Variants in GBP2 observed in about 807,000 individuals in gnomAD.
GBP2 encodes guanylate binding protein 2.
In GBP2, 54 loss-of-function variants were observed where a neutral mutation model predicts 60.8. The ratio of observed to expected loss-of-function variants is 0.89; its 90% CI spans 0.71 to 1.11. GBP2 has a LOEUF of 1.11. Ranked by LOEUF, GBP2 falls within the 50% of genes most tolerant of loss-of-function variation. GBP2 has a pLI of 0.00. For missense variants in GBP2, 665 were observed against 703.3 expected (o/e 0.95, Z 0.62); for synonymous variants, 243 against 256.5 (o/e 0.95, Z 0.50).
At chr1:89,122,623 A>G (rs575718531) in intron 1 of GBP2, among the ~76,000 whole-genome samples, 3 of 152,172 alleles carry the variant, frequency 2.0e-5, no homozygotes, top group Non-Finnish European at 4.4e-5. Flanking sequence ...TGATGTTGAC[A>G]TGACTTTTTC....
chr1:89,117,353 TA>T, intron 5 of GBP2, 119 bp from the exon 6 acceptor site: 1 of 1,006,464 alleles, frequency 9.9e-7, no homozygotes, highest in Non-Finnish European at 1.4e-6. Flanking sequence ...GAAGAAGAAA[TA>T]AAAAATTAAA....
At chr1:89,110,350 G>A (rs977497128) in intron 8 of GBP2, 84 bp from the exon 9 acceptor site, 3 of 962,742 alleles carry the variant, frequency 3.1e-6, no homozygotes, top group Admixed American at 2.1e-5. Context: ...TCTACCCAGA[G>A]GAAAATAAGT....
At chr1:89,117,430 TATAGTC>T in intron 5 of GBP2, 141 bp downstream of exon 5, 3 of 890,920 alleles carry the variant, frequency 3.4e-6, no homozygotes, top group Non-Finnish European at 5.2e-6. Flanking sequence ...TTCCAACTGA[TATAGTC>T]AAGCAATGTT....
intron 7 of GBP2, 23 bp from the exon 8 acceptor site, chr1:89,112,707 A>G: frequency 6.4e-7 from 1 of 1,565,088 alleles, no homozygotes; most frequent in African/African-American, 1.3e-5. Flanking sequence ...AAAACAGCAC[A>G]GATGTTTCAG....
At chr1:89,113,796 AT>A (rs1275065915) in intron 7 of GBP2, among the ~76,000 whole-genome samples, 11 of 152,232 alleles carry the variant, frequency 7.2e-5, no homozygotes, top group Admixed American at 3.9e-4. Flanking sequence ...CTTTCTTAAA[AT>A]ATGGGACCCA....
At chr1:89,123,403 A>C (rs945537307) in intron 1 of GBP2, among the ~76,000 whole-genome samples, 2 of 152,160 alleles carry the variant, frequency 1.3e-5, no homozygotes, top group African/African-American at 4.8e-5. Flanking sequence ...GTTTCTTCTG[A>C]TATTTCTAAT....
rs143659564 is a variant in GBP2 at position 89,115,493 on chromosome 1, T to C, written c.869-1197A>G. On this transcript the variant is annotated intron_variant, in intron 6 of 10. Coordinates refer to ENST00000370466, the MANE Select transcript of GBP2 (RefSeq NM_004120.5). ...AGAGCTTAGACAAACTCTAATCTCC[T>C]CAAAGTCCTCTGCCAGTCCTTTCAA... Among the ~76,000 whole-genome samples, 139 of 152,344 alleles carry C rather than the reference T, an allele frequency of 9.1e-4. 1 individual carries two copies. Among genetic ancestry groups the C allele is most frequent in the African/African-American group, 2.7e-3 (113 of 41,576 alleles).
In GBP2 at chr1:89,117,064, C is replaced by A; in HGVS notation, c.796G>T (p.Glu266Ter). ...LNPDFIEQVA[E>*]FCSYILSHSN... ...TGGCTGAGGATGTAGGAACAAAATTCTGCAACTTGTTCTATGAAATCAGGG... is the reference window on the plus strand; with the variant it reads ...TGGCTGAGGATGTAGGAACAAAATTATGCAACTTGTTCTATGAAATCAGGG... The change falls in exon 6 of 11, where the codon GAA (glutamate) becomes TAA (stop). Residue 266 changes from glutamate to a stop codon, truncating the protein, a stop_gained. Transcript: ENST00000370466. LOFTEE classifies it high-confidence loss of function. 6.2e-7 allele frequency: 1 copy of A among 1,614,084 alleles called. No individual in the cohort carries two copies. Among genetic ancestry groups the A allele is most frequent in the South Asian group, 1.1e-5 (1 of 91,082 alleles).
chr1:89,110,093 G>A, intron 9 of GBP2, 71 bp downstream of exon 9: 1 of 1,138,224 alleles, frequency 8.8e-7, no homozygotes, highest in South Asian at 1.3e-5. Context: ...AATAATTCCA[G>A]GTGGACCAAT....
chr1:89,106,725 T>G lies in GBP2; in HGVS notation c.*1450A>C, dbSNP rs982483517. On this transcript the variant is annotated 3_prime_UTR_variant, in exon 11 of 11. Transcript: ENST00000370466. ...GTAGAAGACAAAAATACTCTAATTC[T>G]CAGACTTTCCCATGGGTAGGCATAT... 6.6e-6 allele frequency: 1 copy of G among 152,232 alleles called. No homozygotes were observed. Among genetic ancestry groups the G allele is most frequent in the African/African-American group, 2.4e-5 (1 of 41,464 alleles). The allele number at this position is 152,232 out of a possible 1,614,324, so 9.4% of individuals were successfully genotyped here.
chr1:89,121,191 T>C lies in GBP2; in HGVS notation c.270A>G (p.Glu90=). 6.2e-7 allele frequency: 1 copy of C among 1,613,240 alleles called. No homozygotes were observed. Among genetic ancestry groups the C allele is most frequent in the East Asian group, 2.2e-5 (1 of 44,836 alleles). Residue 90 remains glutamate (E), a synonymous_variant, in exon 3 of 11, where the codon GAA becomes GAG. Transcript: ENST00000370466. ...CAGTGTCGAGCAGAACTAGGGTGTG[T>C]TCTGGCTTCTTGGGATGAGGCACAC... ...MWCVPHPKKP[E]HTLVLLDTEG...
chr1:89,121,988 T>G lies in GBP2; in HGVS notation c.-17-5A>C. On this transcript the variant is annotated splice_polypyrimidine_tract_variant and splice_region_variant and intron_variant, in intron 1 of 10. Transcript: ENST00000370466. Reference sequence around the variant, plus strand: ...CCATGTCCAGGGTGTTGTTCCCTTGTGTGCAAGGAAAAAGATGAAATGGAA... The same window carrying G: ...CCATGTCCAGGGTGTTGTTCCCTTGGGTGCAAGGAAAAAGATGAAATGGAA... 6.4e-7 allele frequency: 1 copy of G among 1,573,196 alleles called. No homozygotes were observed. The highest frequency in any genetic ancestry group is 8.6e-7 in the Non-Finnish European group (1 of 1,157,648).
Position 89,109,864 on chromosome 1 carries a change from C to A in GBP2, c.1472G>T (p.Arg491Leu). 3 of 1,610,910 alleles carry A rather than the reference C, an allele frequency of 1.9e-6. No homozygotes were observed. The highest frequency in any genetic ancestry group is 2.5e-6 in the Non-Finnish European group (3 of 1,178,970). Residue 491 changes from arginine to leucine, a missense_variant, in exon 10 of 11, where the codon CGT (arginine) becomes CTT (leucine). Arg to Leu is a moderately radical substitution (Grantham distance 102, BLOSUM62 -2). Transcript: ENST00000370466. ...AGCTTCTGCAGATTCAGCCTTTATA[C>A]GTTCCACTGTGGAAGAAAAATAAGC... is the stretch of plus-strand genomic sequence containing the variant. ...SEKEKAIEVE[R>L]IKAESAEAAK...
chr1:89,108,406 G>C (rs1557436825), intron 10 of GBP2, 115 bp from the exon 11 acceptor site: 2 of 620,606 alleles, frequency 3.2e-6, no homozygotes, highest in East Asian at 5.7e-5. Flanking sequence ...ACTCTCTTCT[G>C]AGTCTCCTAT....
chr1:89,113,976 A>G (rs749302987), intron 7 of GBP2, 40 bp downstream of exon 7: 4 of 1,607,112 alleles, frequency 2.5e-6, no homozygotes, highest in Non-Finnish European at 3.4e-6. Context: ...TGAAGGGCCC[A>G]TATTTTTCTG....
intron 1 of GBP2, 48 bp from the exon 2 acceptor site, chr1:89,122,031 T>C: frequency 7.0e-7 from 1 of 1,432,240 alleles, no homozygotes; most frequent in Middle Eastern, 1.8e-4. Context: ...TTTAGGTAGT[T>C]AGCTATGCTG....
chr1:89,114,133 G>A lies in GBP2; in HGVS notation c.1032C>T (p.Pro344=), dbSNP rs151243772. 1.2e-6 allele frequency: 2 copies of A among 1,614,020 alleles called. No individual in the cohort carries two copies. The highest frequency in any genetic ancestry group is 1.7e-6 in the Non-Finnish European group (2 of 1,180,048). ...EQQMGQKVQL[P]TETLQELLDL... Reference sequence around the variant, plus strand: ...CCAGCAGCTCCTGGAGGGTTTCCGTGGGCAGCTGCACCTTCTGGCCCATCT... The same window carrying A: ...CCAGCAGCTCCTGGAGGGTTTCCGTAGGCAGCTGCACCTTCTGGCCCATCT... Residue 344 remains proline (P), a synonymous_variant, in exon 7 of 11, where the codon CCC becomes CCT. Transcript: ENST00000370466.
At chr1:89,110,333 C>G in intron 8 of GBP2, 67 bp from the exon 9 acceptor site, 1 of 1,149,586 alleles carries the variant, frequency 8.7e-7, no homozygotes, top group South Asian at 1.2e-5. Context: ...AATCCCACCA[C>G]TGGGTATCTA....
Position 89,112,536 on chromosome 1 carries a change from A to T in GBP2, c.1298T>A (p.Leu433His), listed in dbSNP as rs149847868. ...CAGCTCCTGCAGCTTCTGAGTAAAGAGACGGTAACCTCCTGGTTTAGAAAA... is the reference window on the plus strand; with the variant it reads ...CAGCTCCTGCAGCTTCTGAGTAAAGTGACGGTAACCTCCTGGTTTAGAAAA... ...GTFSKPGGYR[L>H]FTQKLQELKN... The change falls in exon 8 of 11, where the codon CTC (leucine) becomes CAC (histidine). Residue 433 changes from leucine (L) to histidine (H), a missense_variant. Transcript: ENST00000370466. 1.2e-6 allele frequency: 2 copies of T among 1,614,058 alleles called. No individual in the cohort carries two copies. Among genetic ancestry groups the T allele is most frequent in the Non-Finnish European group, 1.7e-6 (2 of 1,180,030 alleles).
Sources: allele counts gnomAD v4.1 joint callset (sites outside exome capture counted in the v4.1 genomes callset), GRCh38; gene constraint gnomAD v4.1.1; transcripts MANE v1.5; gene names NCBI Gene and HGNC (gene_info 2026-07-23, HGNC 2026-07-21).